ZIM2: variants seen among roughly 807,000 people sequenced by gnomAD.
ZIM2 encodes the protein zinc finger imprinted 2.
A neutral mutation model predicts 38.6 loss-of-function variants in ZIM2; 14 were observed. The observed-to-expected ratio is 0.36, with a 90% CI of 0.24 to 0.57. The LOEUF (loss-of-function observed/expected upper bound fraction) is 0.57. Ranked by LOEUF, ZIM2 falls within the 20% of genes least tolerant of loss-of-function variation. The probability of loss-of-function intolerance (pLI) is 0.81; values close to 1 mark genes in which losing one functional copy is unlikely to be tolerated. For synonymous variants in ZIM2, 247 were observed against 245.8 expected (o/e 1.00, Z -0.04); for missense variants, 680 against 695.1 (o/e 0.98, Z 0.24).
intron 9 of ZIM2, among the ~76,000 whole-genome samples, chr19:56,801,751 G>A (rs1360191139): frequency 6.6e-6 from 1 of 152,154 alleles, no homozygotes; most frequent in African/African-American, 2.4e-5. Context: ...GCAGACATTA[G>A]ACATAAACTC....
At chr19:56,805,588 C>T (rs1038473999) in intron 9 of ZIM2, among the ~76,000 whole-genome samples, 1 of 152,178 alleles carries the variant, frequency 6.6e-6, no homozygotes, top group Non-Finnish European at 1.5e-5. Flanking sequence ...AAACTAGCAT[C>T]ACCAGTGATG....
intron 6 of ZIM2, 125 bp downstream of exon 6, chr19:56,822,628 T>C (rs2060610152): frequency 1.5e-6 from 2 of 1,349,384 alleles, no homozygotes; most frequent in South Asian, 2.8e-5. Context: ...ACTAAACTTT[T>C]GGGGAAGCGG....
intron 11 of ZIM2, among the ~76,000 whole-genome samples, chr19:56,781,586 G>A (rs2046333772): frequency 6.6e-6 from 1 of 151,996 alleles, no homozygotes; most frequent in Admixed American, 6.6e-5. Context: ...AGTCTGCTTG[G>A]GGTTAAATCC....
chr19:56,795,226 C>T (rs904673358), intron 9 of ZIM2, among the ~76,000 whole-genome samples: 1 of 152,170 alleles, frequency 6.6e-6, no homozygotes, highest in Non-Finnish European at 1.5e-5. Context: ...CGTCCTGGGT[C>T]CCTCCCTGCA....
chr19:56,799,851 C>T (rs10424434), intron 9 of ZIM2, among the ~76,000 whole-genome samples: 3,181 of 152,170 alleles, frequency 0.021, 117 homozygotes, highest in African/African-American at 0.072. Context: ...ATACTACACT[C>T]AGCAAAAAAG....
intron 9 of ZIM2, among the ~76,000 whole-genome samples, chr19:56,801,949 C>T (rs2047546124): frequency 6.6e-6 from 1 of 152,090 alleles, no homozygotes; most frequent in South Asian, 2.1e-4. Context: ...CCATAAAGTA[C>T]CACAGCTGAA....
In ZIM2 at chr19:56,840,586, C is replaced by T. The variant is rs1390658143; in HGVS notation, c.-318G>A. ...GGCGGCCGAAGGCGCACTCACCTCA[C>T]CTCAGTGCTGCGCAGCCTCGGGCAC... On this transcript the variant is annotated 5_prime_UTR_variant, in exon 1 of 13. The change creates a new upstream start codon in the 5' untranslated region. Coordinates refer to ENST00000629319, the MANE Select transcript of ZIM2 (RefSeq NM_001387356.1). The T allele has an allele frequency of 6.6e-6, 1 of 152,452 alleles. No homozygotes were observed. The highest frequency in any genetic ancestry group is 1.9e-4 in the East Asian group (1 of 5,196). 9.4% of individuals were successfully genotyped at this position (152,452 alleles called of 1,614,324 possible).
chr19:56,826,299 G>C (rs1042089661), intron 3 of ZIM2, 89 bp downstream of exon 3: 1 of 152,210 alleles, frequency 6.6e-6, no homozygotes, highest in Non-Finnish European at 1.5e-5. Flanking sequence ...TCTGTTATGT[G>C]GCAGACAGAC....
chr19:56,805,109 G>A (rs550697894), intron 9 of ZIM2, among the ~76,000 whole-genome samples: 2 of 152,272 alleles, frequency 1.3e-5, no homozygotes, highest in South Asian at 4.1e-4. Context: ...GACATTTTGG[G>A]TCGGTTCATT....
intron 9 of ZIM2, among the ~76,000 whole-genome samples, chr19:56,805,209 G>A (rs894049025): frequency 6.6e-6 from 1 of 152,216 alleles, no homozygotes; most frequent in African/African-American, 2.4e-5. Context: ...CACCCCTTCA[G>A]TTGTGACAAC....
chr19:56,786,319 C>A (rs1189725254), intron 10 of ZIM2, among the ~76,000 whole-genome samples: 1 of 152,098 alleles, frequency 6.6e-6, no homozygotes, highest in East Asian at 1.9e-4. Flanking sequence ...GGAAAAGGCC[C>A]TTTTCAATTG....
intron 9 of ZIM2, chr19:56,810,405 T>G (rs2048045008): frequency 1.0e-6 from 1 of 985,320 alleles, no homozygotes; most frequent in Non-Finnish European, 1.2e-6. Flanking sequence ...ATTTCTTGTT[T>G]TTCATCTTTC....
At chr19:56,784,291 T>C (rs574915514) in intron 10 of ZIM2, among the ~76,000 whole-genome samples, 1 of 152,330 alleles carries the variant, frequency 6.6e-6, no homozygotes, top group South Asian at 2.1e-4. Flanking sequence ...CATAACCTTT[T>C]TTCTTGTGCT....
intron 12 of ZIM2, 149 bp from the exon 13 acceptor site, chr19:56,775,678 C>G (rs992554860): frequency 7.3e-7 from 1 of 1,379,162 alleles, no homozygotes; most frequent in Non-Finnish European, 9.5e-7. Flanking sequence ...AGTAAAAATT[C>G]CTCTATTCTT....
At chr19:56,782,170 A>T in intron 10 of ZIM2, 49 bp from the exon 11 acceptor site, 3 of 1,589,690 alleles carry the variant, frequency 1.9e-6, no homozygotes, top group Non-Finnish European at 2.6e-6. Flanking sequence ...ACTGAACATG[A>T]TGCAGGCATT....
intron 10 of ZIM2, among the ~76,000 whole-genome samples, chr19:56,786,715 T>C (rs2046623343): frequency 6.6e-6 from 1 of 152,218 alleles, no homozygotes; most frequent in Admixed American, 6.5e-5. Flanking sequence ...GGGCTGAGTT[T>C]TTTTAAATCT....
At chr19:56,800,270 C>A (rs1224046316) in intron 9 of ZIM2, among the ~76,000 whole-genome samples, 2 of 152,132 alleles carry the variant, frequency 1.3e-5, no homozygotes, top group African/African-American at 4.8e-5. Flanking sequence ...TGTAGACAGA[C>A]TTTTCATGTA....
chr19:56,820,810 G>C (rs1482341765), intron 7 of ZIM2, among the ~76,000 whole-genome samples: 3 of 152,200 alleles, frequency 2.0e-5, no homozygotes, highest in Non-Finnish European at 4.4e-5. Flanking sequence ...GCCCCTCTCT[G>C]TGTTGCTCAC....
At chr19:56,817,678 G>T in intron 9 of ZIM2, 68 bp downstream of exon 9, 1 of 1,542,632 alleles carries the variant, frequency 6.5e-7, no homozygotes, top group Non-Finnish European at 9.0e-7. Context: ...GGAATGCAAA[G>T]TGTAGAAGTT....
Sources: allele counts gnomAD v4.1 joint callset (sites outside exome capture counted in the v4.1 genomes callset), GRCh38; gene constraint gnomAD v4.1.1; transcripts MANE v1.5; gene names NCBI Gene and HGNC (gene_info 2026-07-23, HGNC 2026-07-21).